Variants in RBBP8 observed in about 807,000 individuals in gnomAD.
The protein encoded by RBBP8 is DNA endonuclease RBBP8.
In RBBP8, 88 loss-of-function variants were observed where a neutral mutation model predicts 108.3. The observed-to-expected ratio is 0.81, with a 90% CI of 0.68 to 0.97. The LOEUF (loss-of-function observed/expected upper bound fraction) is 0.97, where lower values mean the gene tolerates loss of function less well. Ranked by LOEUF, RBBP8 falls within the 50% of genes least tolerant of loss-of-function variation. The pLI, the probability that RBBP8 is intolerant of heterozygous loss-of-function variation, is 0.00. For synonymous variants in RBBP8, 332 were observed against 348.2 expected, an observed-to-expected ratio of 0.95 and a Z score of 0.52; for missense variants, 1,023 against 1,049.0, an observed-to-expected ratio of 0.98 and a Z score of 0.34.
intron 5 of RBBP8, among the ~76,000 whole-genome samples, chr18:22,970,752 C>G (rs1914015328): frequency 6.6e-6 from 1 of 152,006 alleles, no homozygotes; most frequent in Non-Finnish European, 1.5e-5. Context: ...TAGTGAATAA[C>G]TAAGAGTTAT....
chr18:22,991,201 C>G (rs1174376473), intron 10 of RBBP8, 152 bp downstream of exon 10: 2 of 672,864 alleles, frequency 3.0e-6, no homozygotes, highest in African/African-American at 3.6e-5. Flanking sequence ...TCCCTAGTTT[C>G]TGACCAATTG....
At chr18:22,987,327 A>G (rs1479370087) in intron 8 of RBBP8, among the ~76,000 whole-genome samples, 1 of 152,172 alleles carries the variant, frequency 6.6e-6, no homozygotes, top group Non-Finnish European at 1.5e-5. Flanking sequence ...GGGATTGAAG[A>G]GAGGAGAATG....
intron 16 of RBBP8, among the ~76,000 whole-genome samples, chr18:23,015,001 T>G (rs1421925928): frequency 6.6e-6 from 1 of 152,140 alleles, no homozygotes; most frequent in East Asian, 1.9e-4. Flanking sequence ...TCCTCTCACC[T>G]CAGCCTCCTG....
intron 15 of RBBP8, among the ~76,000 whole-genome samples, chr18:23,004,202 T>C (rs776214935): frequency 4.0e-5 from 6 of 151,122 alleles, no homozygotes; most frequent in Non-Finnish European, 8.8e-5. Flanking sequence ...CTGTTCAGAA[T>C]AGCCAAGATA....
chr18:23,010,252 CTT>C (rs1240815758), intron 16 of RBBP8, among the ~76,000 whole-genome samples: 1 of 152,220 alleles, frequency 6.6e-6, no homozygotes, highest in African/African-American at 2.4e-5. Flanking sequence ...TGCACATTCT[CTT>C]TTCATATTTT....
intron 3 of RBBP8, among the ~76,000 whole-genome samples, chr18:22,926,941 AC>A (rs1909810936): frequency 1.3e-5 from 2 of 152,330 alleles, no homozygotes; most frequent in South Asian, 4.1e-4. Context: ...GAATCTTGGC[AC>A]CATCAACTCA....
chr18:22,963,468 A>G (rs1363217799), intron 4 of RBBP8, among the ~76,000 whole-genome samples: 3 of 152,144 alleles, frequency 2.0e-5, no homozygotes, highest in Admixed American at 2.0e-4. Flanking sequence ...CACTAGTTCA[A>G]CCACAACGTT....
At chr18:22,922,454 T>C (rs975068326) in intron 3 of RBBP8, among the ~76,000 whole-genome samples, 1 of 151,906 alleles carries the variant, frequency 6.6e-6, no homozygotes, top group African/African-American at 2.4e-5. Flanking sequence ...TAATAACAGA[T>C]ATTATTTTAT....
Position 23,001,719 on chromosome 18 carries a change from G to T in RBBP8, c.2277G>T (p.Lys759Asn). 1 of 1,614,076 alleles carries T rather than the reference G, an allele frequency of 6.2e-7. No individual in the cohort carries two copies. The highest frequency in any genetic ancestry group is 8.5e-7 in the Non-Finnish European group (1 of 1,179,988). The change falls in exon 15 of 19, where the codon AAG (lysine) becomes AAT (asparagine). Residue 759 changes from lysine (K) to asparagine (N), a missense_variant. Lys to Asn is a moderately conservative substitution (Grantham distance 94, BLOSUM62 0). Coordinates refer to ENST00000327155, the MANE Select transcript of RBBP8 (RefSeq NM_002894.3). ...DEEEELSTAT[K>N]KLHTHGDKQD... Reference sequence around the variant, plus strand: ...AGGAGGAATTGTCTACTGCCACAAAGAAACTACACAGTAAGATTTTTTTCT... The same window carrying T: ...AGGAGGAATTGTCTACTGCCACAAATAAACTACACAGTAAGATTTTTTTCT...
chr18:22,940,678 G>C (rs1039124738), intron 2 of RBBP8, among the ~76,000 whole-genome samples: 5 of 151,928 alleles, frequency 3.3e-5, no homozygotes, highest in African/African-American at 1.2e-4. Flanking sequence ...ATGAGGTCTT[G>C]CCTCATTGCC....
chr18:22,966,753 G>T (rs2144582377), intron 4 of RBBP8, among the ~76,000 whole-genome samples: 2 of 133,314 alleles, frequency 1.5e-5, no homozygotes, highest in Admixed American at 8.1e-5. Flanking sequence ...GAGAGAGAGA[G>T]TCTTACTCTG....
chr18:22,979,961 T>G (rs1296465859), intron 6 of RBBP8, among the ~76,000 whole-genome samples: 1 of 152,144 alleles, frequency 6.6e-6, no homozygotes, highest in Non-Finnish European at 1.5e-5. Flanking sequence ...ATAAATAAAT[T>G]GCAGCTGGGC....
intron 2 of RBBP8, among the ~76,000 whole-genome samples, chr18:22,946,106 A>G (rs1453508689): frequency 1.3e-5 from 2 of 152,254 alleles, no homozygotes; most frequent in Non-Finnish European, 2.9e-5. Flanking sequence ...TTGTGCCTAC[A>G]TAAACACCAT....
chr18:23,000,123 C>T (rs150111334), intron 14 of RBBP8, among the ~76,000 whole-genome samples: 246 of 152,140 alleles, frequency 1.6e-3, no homozygotes, highest in African/African-American at 5.5e-3. Flanking sequence ...GAGAAATAAG[C>T]AATTGTATAT....
intron 4 of RBBP8, among the ~76,000 whole-genome samples, chr18:22,950,921 T>A (rs748490134): frequency 1.3e-5 from 2 of 152,220 alleles, no homozygotes; most frequent in African/African-American, 4.8e-5. Flanking sequence ...AATTTTTTTC[T>A]TGATATTTTT....
chr18:22,915,996 T>C (rs1221975294), intron 2 of RBBP8, among the ~76,000 whole-genome samples: 1 of 152,092 alleles, frequency 6.6e-6, no homozygotes, highest in Non-Finnish European at 1.5e-5. Flanking sequence ...CTTTCATGTA[T>C]TTTCCATAAA....
rs1275747726 is a variant in RBBP8, at chr18:22,936,885, A to G, written c.34A>G (p.Asn12Asp). 1.2e-6 allele frequency: 2 copies of G among 1,614,092 alleles called. No individual in the cohort carries two copies. Among genetic ancestry groups the G allele is most frequent in the East Asian group, 2.2e-5 (1 of 44,888 alleles). ...CTCGGGAAGCAGCTGTGGAAGCCCT[A>G]ACTCTGCAGATACATCTAGTGACTT... ...NISGSSCGSP[N>D]SADTSSDFKD... The change falls in exon 2 of 19, where the codon AAC (asparagine) becomes GAC (aspartate). Residue 12 changes from asparagine (N) to aspartate (D), a missense_variant. Physicochemically the swap from Asn to Asp is conservative, Grantham distance 23 (BLOSUM62 1). Transcript: ENST00000327155.
chr18:22,979,307 ATTT>A (rs990048232), intron 6 of RBBP8, among the ~76,000 whole-genome samples: 33 of 152,052 alleles, frequency 2.2e-4, no homozygotes, highest in Non-Finnish European at 3.1e-4. Flanking sequence ...TGTTTATTTT[ATTT>A]TATGTTTATG....
At chr18:22,996,300 T>C in intron 12 of RBBP8, 74 bp from the exon 13 acceptor site, 3 of 1,583,006 alleles carry the variant, frequency 1.9e-6, no homozygotes, top group Non-Finnish European at 2.6e-6. Flanking sequence ...ATTCTTTAGG[T>C]CCCATAATAT....
Sources: gnomAD v4.1 joint callset for allele counts (sites outside exome capture counted in the v4.1 genomes callset) on GRCh38, gnomAD v4.1.1 for gene constraint, MANE v1.5 for transcripts, NCBI Gene and HGNC (gene_info 2026-07-23, HGNC 2026-07-21) for gene names.